Variants in SERPINI1 observed in about 807,000 individuals in gnomAD.
The protein encoded by SERPINI1 is neuroserpin.
SERPINI1 carries 19 observed loss-of-function variants against 41.1 expected under a neutral mutation model. The observed-to-expected ratio is 0.46, with a 90% CI of 0.32 to 0.68. The LOEUF (loss-of-function observed/expected upper bound fraction) is 0.68. SERPINI1 is among the 30% of genes least tolerant of loss of function. The pLI is 0.03. For missense variants in SERPINI1, 460 were observed against 479.2 expected, an observed-to-expected ratio of 0.96 and a Z score of 0.37; for synonymous variants, 138 against 156.6, an observed-to-expected ratio of 0.88 and a Z score of 0.89.
intron 1 of SERPINI1, among the ~76,000 whole-genome samples, chr3:167,756,656 A>G (rs1465486682): frequency 6.6e-6 from 1 of 152,186 alleles, no homozygotes; most frequent in African/African-American, 2.4e-5. Flanking sequence ...ATGTCTAGCC[A>G]TTAGTTAAAA....
intron 1 of SERPINI1, among the ~76,000 whole-genome samples, chr3:167,776,566 A>G (rs769219655): frequency 1.3e-5 from 2 of 152,290 alleles, no homozygotes; most frequent in Middle Eastern, 6.8e-3. Flanking sequence ...TAATGCTACT[A>G]ATTTTTCTCT....
intron 1 of SERPINI1, among the ~76,000 whole-genome samples, chr3:167,772,864 C>CTCTCTATA (rs1374013676): frequency 8.9e-4 from 22 of 24,654 alleles, no homozygotes; most frequent in South Asian, 5.2e-3. Flanking sequence ...CTCTCTCTCT[C>CTCTCTATA]TATATATATA....
chr3:167,775,721 G>C (rs1271053775), intron 1 of SERPINI1, among the ~76,000 whole-genome samples: 1 of 152,078 alleles, frequency 6.6e-6, no homozygotes. Flanking sequence ...ACAAAAGTGG[G>C]TTGCTTTTTT....
intron 5 of SERPINI1, among the ~76,000 whole-genome samples, chr3:167,800,544 G>A (rs1307965160): frequency 1.3e-5 from 2 of 152,088 alleles, no homozygotes; most frequent in Non-Finnish European, 2.9e-5. Context: ...TTTTTCTAAA[G>A]TCAGCATCAA....
At chr3:167,771,835 G>A (rs562825781) in intron 1 of SERPINI1, among the ~76,000 whole-genome samples, 1 of 132,908 alleles carries the variant, frequency 7.5e-6, no homozygotes, top group African/African-American at 2.9e-5. Flanking sequence ...GTGTGTGCGC[G>A]TGTGTGTGTG....
chr3:167,812,582 T>C (rs1342061184), intron 6 of SERPINI1, among the ~76,000 whole-genome samples: 1 of 152,236 alleles, frequency 6.6e-6, no homozygotes, highest in African/African-American at 2.4e-5. Flanking sequence ...ATATTATTGT[T>C]ATTTATGTGT....
intron 7 of SERPINI1, among the ~76,000 whole-genome samples, chr3:167,824,092 G>A (rs189028415): frequency 1.1e-4 from 16 of 152,212 alleles, no homozygotes; most frequent in African/African-American, 3.6e-4. Flanking sequence ...GTTTTTGTTT[G>A]GGGATTTTTT....
intron 1 of SERPINI1, among the ~76,000 whole-genome samples, chr3:167,771,053 T>G (rs935412424): frequency 6.6e-6 from 1 of 152,232 alleles, no homozygotes; most frequent in Non-Finnish European, 1.5e-5. Flanking sequence ...TCCTTCTTAT[T>G]TCTGTTTGAG....
intron 5 of SERPINI1, among the ~76,000 whole-genome samples, chr3:167,806,868 A>C (rs13091071): frequency 0.35 from 52,674 of 151,542 alleles, 10,181 homozygotes; most frequent in African/African-American, 0.52. Context: ...AAAAAAAAAT[A>C]AAATATATTA....
At chr3:167,743,052 A>G (rs575241729) in intron 1 of SERPINI1, among the ~76,000 whole-genome samples, 3 of 152,280 alleles carry the variant, frequency 2.0e-5, no homozygotes, top group East Asian at 3.9e-4. Context: ...TGATGGTTCT[A>G]TAATAAATCT....
At chr3:167,744,270 G>A (rs1293396388) in intron 1 of SERPINI1, among the ~76,000 whole-genome samples, 3 of 151,990 alleles carry the variant, frequency 2.0e-5, no homozygotes, top group Non-Finnish European at 4.4e-5. Flanking sequence ...ATTTTACACA[G>A]AGTGCATTAC....
intron 1 of SERPINI1, among the ~76,000 whole-genome samples, chr3:167,747,424 C>A (rs1182402839): frequency 6.6e-6 from 1 of 152,150 alleles, no homozygotes; most frequent in East Asian, 1.9e-4. Context: ...GCAGGCGGAT[C>A]ACGAGGTCAG....
chr3:167,820,055 A>T (rs938093544), intron 6 of SERPINI1, among the ~76,000 whole-genome samples: 2 of 152,206 alleles, frequency 1.3e-5, no homozygotes, highest in African/African-American at 4.8e-5. Context: ...AGTGGCTTAA[A>T]AAACAGAAAT....
At chr3:167,824,780 T>G (rs1279694805) in intron 8 of SERPINI1, among the ~76,000 whole-genome samples, 4 of 152,114 alleles carry the variant, frequency 2.6e-5, no homozygotes, top group Non-Finnish European at 5.9e-5. Flanking sequence ...GGCTCAGACT[T>G]TAATCTCAGC....
At chr3:167,812,391 G>C (rs62279608) in intron 6 of SERPINI1, among the ~76,000 whole-genome samples, 40,868 of 151,958 alleles carry the variant, frequency 0.27, 6,223 homozygotes, top group African/African-American at 0.39. Context: ...TGTCTCACCT[G>C]TCCCCAGCTC....
chr3:167,766,427 TAAGA>T (rs1435535020), intron 1 of SERPINI1, among the ~76,000 whole-genome samples: 1 of 152,092 alleles, frequency 6.6e-6, no homozygotes, highest in African/African-American at 2.4e-5. Context: ...GAGAACAGCC[TAAGA>T]AAGACACACA....
intron 5 of SERPINI1, among the ~76,000 whole-genome samples, chr3:167,804,351 T>A (rs1368846117): frequency 6.6e-6 from 1 of 152,178 alleles, no homozygotes; most frequent in African/African-American, 2.4e-5. Flanking sequence ...ACATTAGAAA[T>A]GATGCTAATG....
intron 1 of SERPINI1, among the ~76,000 whole-genome samples, chr3:167,756,211 T>G (rs1726187713): frequency 6.6e-6 from 1 of 152,170 alleles, no homozygotes; most frequent in Admixed American, 6.5e-5. Flanking sequence ...GTCAAACACT[T>G]TACTGAAGCT....
chr3:167,771,622 CT>C (rs921266253), intron 1 of SERPINI1, among the ~76,000 whole-genome samples: 3 of 151,224 alleles, frequency 2.0e-5, no homozygotes, highest in Non-Finnish European at 4.4e-5. Context: ...ACCTGTTTAA[CT>C]TTTTTTTTAG....
Sources: gnomAD v4.1 joint callset for allele counts (sites outside exome capture counted in the v4.1 genomes callset) on GRCh38, gnomAD v4.1.1 for gene constraint, MANE v1.5 for transcripts, NCBI Gene and HGNC (gene_info 2026-07-23, HGNC 2026-07-21) for gene names.